Variants in USP30 observed in about 807,000 individuals in gnomAD.
The protein encoded by USP30 is ubiquitin specific peptidase 30.
A neutral mutation model predicts 68.2 loss-of-function variants in USP30; 41 were observed. The observed-to-expected ratio is 0.60, with a 90% CI of 0.47 to 0.78. The LOEUF is 0.78. USP30 is among the 30% of genes least tolerant of loss of function. The pLI, the probability that USP30 is intolerant of heterozygous loss-of-function variation, is 0.00. For synonymous variants in USP30, 229 were observed against 253.7 expected (o/e 0.90, Z 0.93); for missense variants, 522 against 649.4 (o/e 0.80, Z 2.13).
intron 2 of USP30, among the ~76,000 whole-genome samples, chr12:109,026,929 G>A (rs113484084): frequency 5.1e-4 from 78 of 152,222 alleles, no homozygotes; most frequent in African/African-American, 1.8e-3. Flanking sequence ...GAGAAAGCAA[G>A]CTCTCTGGCA....
At position 109,082,752 on chromosome 12, in the gene USP30, A is replaced by G. The variant is rs373483615; in HGVS notation, c.948+9A>G. The G allele has an allele frequency of 3.5e-5, 57 of 1,613,426 alleles. No homozygotes were observed. Among genetic ancestry groups the G allele is most frequent in the Non-Finnish European group, 4.7e-5 (56 of 1,179,696 alleles). ...AGTTAAAACTAGGGAAGGTGAGCCC[A>G]CACTACACACCCTGTTGGCTTTGTT... On this transcript the variant is annotated intron_variant, in intron 10 of 12. Coordinates refer to ENST00000257548, the MANE Select transcript of USP30 (RefSeq NM_032663.5).
At chr12:109,080,381 C>T (rs1322152189) in intron 7 of USP30, among the ~76,000 whole-genome samples, 2 of 152,184 alleles carry the variant, frequency 1.3e-5, no homozygotes, top group African/African-American at 4.8e-5. Flanking sequence ...GACTTCTTTT[C>T]CATTTCTGCC....
intron 3 of USP30, among the ~76,000 whole-genome samples, chr12:109,042,013 G>A (rs1412810147): frequency 6.6e-6 from 1 of 151,422 alleles, no homozygotes; most frequent in Non-Finnish European, 1.5e-5. Flanking sequence ...CAGCATTCAG[G>A]AGAAAATTAA....
intron 1 of USP30, 128 bp downstream of exon 1, chr12:109,052,889 G>C (rs2040713468): frequency 3.0e-6 from 3 of 991,882 alleles, no homozygotes; most frequent in Non-Finnish European, 4.1e-6. Context: ...AAGGTTCTGC[G>C]TCCTTTAGGG....
intron 3 of USP30, among the ~76,000 whole-genome samples, chr12:109,047,061 C>T (rs2040611496): frequency 6.6e-6 from 1 of 152,098 alleles, no homozygotes; most frequent in African/African-American, 2.4e-5. Context: ...AGGGTGACCA[C>T]GTATTTGGAG....
intron 3 of USP30, among the ~76,000 whole-genome samples, chr12:109,045,244 G>C (rs2040594969): frequency 6.6e-6 from 1 of 152,184 alleles, no homozygotes; most frequent in Non-Finnish European, 1.5e-5. Flanking sequence ...CTCCCAAAGT[G>C]CTGGGATTAC....
At chr12:109,074,081 A>G (rs771297494) in intron 7 of USP30, among the ~76,000 whole-genome samples, 3 of 152,054 alleles carry the variant, frequency 2.0e-5, no homozygotes, top group African/African-American at 7.2e-5. Context: ...CTCTGTCTCT[A>G]TGGATTTGCA....
At chr12:109,024,135 G>T (rs1215649545) in intron 1 of USP30, among the ~76,000 whole-genome samples, 2 of 152,064 alleles carry the variant, frequency 1.3e-5, no homozygotes, top group Middle Eastern at 3.2e-3. Flanking sequence ...AGAAATACGG[G>T]GATCAATAAC....
chr12:109,056,902 T>A, intron 2 of USP30, 111 bp downstream of exon 2: 1 of 628,640 alleles, frequency 1.6e-6, no homozygotes, highest in Non-Finnish European at 2.5e-6. Context: ...TCTGTATCTT[T>A]AAAATTAGGA....
In USP30 at chr12:109,052,651, A is replaced by T; in HGVS notation, c.-28A>T. The stretch of plus-strand genomic sequence containing the variant: ...GGCGGCGGCGGCGGTAGCGGAGGAG[A>T]CGGTTTCAGGCCTCCGGTGCGGCTG... On this transcript the variant is annotated 5_prime_UTR_variant, in exon 1 of 13. Coordinates refer to ENST00000257548, the MANE Select transcript of USP30 (RefSeq NM_032663.5). 1.4e-6 allele frequency: 2 copies of T among 1,463,438 alleles called. No individual in the cohort carries two copies. The highest frequency in any genetic ancestry group is 1.8e-6 in the Non-Finnish European group (2 of 1,112,748). 90.7% of individuals were successfully genotyped at this position (1,463,438 alleles called of 1,614,324 possible). A position where few individuals can be genotyped will look rare whatever the true frequency, so the allele number is the denominator to read the frequency against.
chr12:109,085,891 G>A lies in USP30; in HGVS notation c.1514G>A (p.Arg505Lys), dbSNP rs1279839244. The A allele has an allele frequency of 1.2e-6, 2 of 1,614,054 alleles. No individual in the cohort carries two copies. The highest frequency in any genetic ancestry group is 3.3e-5 in the Admixed American group (2 of 60,008). ...CTGTTCTACGAGCGCGTCCTTTCCAGGATGCAGCACCAGAGCCAGGAGTGC... is the reference window on the plus strand; with the variant it reads ...CTGTTCTACGAGCGCGTCCTTTCCAAGATGCAGCACCAGAGCCAGGAGTGC... ...YLLFYERVLS[R>K]MQHQSQECKS... Residue 505 changes from arginine to lysine, a missense_variant, in exon 13 of 13, where the codon AGG becomes AAG. Physicochemically the swap from Arg to Lys is conservative, Grantham distance 26. Transcript: ENST00000257548.
chr12:109,076,222 T>TCC (rs2041599537), intron 7 of USP30, among the ~76,000 whole-genome samples: 1 of 152,224 alleles, frequency 6.6e-6, no homozygotes, highest in Non-Finnish European at 1.5e-5. Flanking sequence ...TTGCCACTAG[T>TCC]ATATAGACAT....
At chr12:109,038,078 G>A (rs1566076838) in intron 3 of USP30, among the ~76,000 whole-genome samples, 1 of 151,900 alleles carries the variant, frequency 6.6e-6, no homozygotes, top group Non-Finnish European at 1.5e-5. Context: ...ATAGGTAAGT[G>A]TGCCATGGTG....
intron 3 of USP30, among the ~76,000 whole-genome samples, chr12:109,058,497 G>A (rs1368159037): frequency 1.3e-5 from 2 of 151,946 alleles, no homozygotes; most frequent in Non-Finnish European, 2.9e-5. Flanking sequence ...GCTTGAACCC[G>A]GGAGGCGGAG....
chr12:109,076,070 T>C (rs1263323171), intron 7 of USP30, among the ~76,000 whole-genome samples: 2 of 152,164 alleles, frequency 1.3e-5, no homozygotes, highest in African/African-American at 4.8e-5. Context: ...ATGGTCTTTT[T>C]AAAAATAAGG....
At chr12:109,053,917 C>G (rs899949350) in intron 1 of USP30, 2 of 441,458 alleles carry the variant, frequency 4.5e-6, no homozygotes, top group African/African-American at 4.0e-5. Flanking sequence ...CCTGGGGAGA[C>G]AGACAGGCAT....
chr12:109,041,828 T>A (rs946485773), intron 3 of USP30, among the ~76,000 whole-genome samples: 4 of 152,024 alleles, frequency 2.6e-5, no homozygotes, highest in Admixed American at 2.0e-4. Context: ...AGAAAAGCTT[T>A]GAAGTGGGGT....
chr12:109,046,811 C>A (rs904526003), intron 3 of USP30, among the ~76,000 whole-genome samples: 2 of 152,192 alleles, frequency 1.3e-5, no homozygotes, highest in Non-Finnish European at 1.5e-5. Flanking sequence ...ATCCTCCCAC[C>A]TCAGCCTCCC....
intron 2 of USP30, among the ~76,000 whole-genome samples, chr12:109,026,187 C>T (rs986084053): frequency 6.6e-6 from 1 of 152,062 alleles, no homozygotes; most frequent in African/African-American, 2.4e-5. Flanking sequence ...ATCATCCTCC[C>T]ACCTCAGCCT....
Sources: allele counts gnomAD v4.1 joint callset (sites outside exome capture counted in the v4.1 genomes callset), GRCh38; gene constraint gnomAD v4.1.1; transcripts MANE v1.5; gene names NCBI Gene and HGNC (gene_info 2026-07-23, HGNC 2026-07-21).